KIF26B: variants seen among roughly 807,000 people sequenced by gnomAD.
KIF26B encodes kinesin family member 26B, also known as kinesin-like protein KIF26B.
In KIF26B, 63 loss-of-function variants were observed where a neutral mutation model predicts 151.2. The observed-to-expected ratio is 0.42, with a 90% CI of 0.34 to 0.51. The LOEUF is 0.51. Among genes scored for constraint, KIF26B ranks in the 20% least tolerant of loss-of-function variants. The pLI, the probability that KIF26B is intolerant of heterozygous loss-of-function variation, is 0.07. For missense variants in KIF26B, 2,813 were observed against 2,913.6 expected, an observed-to-expected ratio of 0.97 and a Z score of 0.79; for synonymous variants, 1,357 against 1,262.1, an observed-to-expected ratio of 1.08 and a Z score of -1.59.
rs547327871 is a variant in KIF26B, at chr1:245,601,173, G to A, written c.1351-1404G>A. On this transcript the variant is annotated intron_variant, in intron 5 of 14. Coordinates refer to ENST00000407071, the MANE Select transcript of KIF26B (RefSeq NM_018012.4). This position sits in a 1 kb window ranked among gnomAD's most constrained non-coding sequence, Gnocchi z 4.4. The stretch of plus-strand genomic sequence containing the variant: ...CAGAGGTAGAGTGCGTCCCACACTC[G>A]GGCTCCTTCTACTGGGACACTGGCT... 9.2e-5 allele frequency among the ~76,000 whole-genome samples: 14 copies of A among 152,258 alleles called. No homozygotes were observed. The highest frequency in any genetic ancestry group is 2.4e-4 in the African/African-American group (10 of 41,542).
chr1:245,213,858 G>A (rs989412840), intron 2 of KIF26B, among the ~76,000 whole-genome samples: 4 of 152,180 alleles, frequency 2.6e-5, no homozygotes, highest in Admixed American at 6.5e-5. Context: ...AGGTAATTAC[G>A]GGATAGTCGT....
chr1:245,675,822 G>A (rs1004571786), intron 10 of KIF26B, among the ~76,000 whole-genome samples: 2 of 152,190 alleles, frequency 1.3e-5, no homozygotes, highest in African/African-American at 4.8e-5. Context: ...AGGGGCCCAT[G>A]TGAGCAACAG....
intron 2 of KIF26B, among the ~76,000 whole-genome samples, chr1:245,215,225 G>A (rs1669620099): frequency 1.3e-5 from 2 of 152,140 alleles, no homozygotes; most frequent in Admixed American, 6.5e-5. Context: ...GCCACCATGG[G>A]AGGAAGGGTG....
chr1:245,393,378 T>C (rs1673746724), intron 3 of KIF26B, among the ~76,000 whole-genome samples: 1 of 152,236 alleles, frequency 6.6e-6, no homozygotes, highest in Admixed American at 6.5e-5. Flanking sequence ...TTCATTGATC[T>C]CTCAGAATGT....
intron 2 of KIF26B, among the ~76,000 whole-genome samples, chr1:245,233,695 G>T (rs1345226579): frequency 5.9e-5 from 9 of 152,086 alleles, no homozygotes; most frequent in Non-Finnish European, 4.4e-5. Flanking sequence ...CAAATCTCAT[G>T]TTCTCTCTGT....
chr1:245,651,114 G>A (rs1024665625), intron 10 of KIF26B, among the ~76,000 whole-genome samples: 18 of 152,284 alleles, frequency 1.2e-4, no homozygotes, highest in African/African-American at 4.1e-4. Context: ...CCACAAAAGC[G>A]ATGAGGACAC....
chr1:245,235,499 G>C (rs577123676), intron 2 of KIF26B, among the ~76,000 whole-genome samples: 1 of 145,450 alleles, frequency 6.9e-6, no homozygotes, highest in Admixed American at 6.7e-5. Context: ...AGGCAGAGGT[G>C]GGGGGATCGC....
At chr1:245,470,481 A>T (rs1659886082) in intron 4 of KIF26B, among the ~76,000 whole-genome samples, 1 of 152,120 alleles carries the variant, frequency 6.6e-6, no homozygotes, top group Non-Finnish European at 1.5e-5. Context: ...CCCAGGCTGG[A>T]GTGCAGTGGT....
chr1:245,176,183 G>C (rs1668806263), intron 2 of KIF26B, among the ~76,000 whole-genome samples: 1 of 151,942 alleles, frequency 6.6e-6, no homozygotes, highest in African/African-American at 2.4e-5. Context: ...ATTTTTAGTA[G>C]AGACGGGGTT....
intron 2 of KIF26B, among the ~76,000 whole-genome samples, chr1:245,268,637 A>G (rs7513602): frequency 0.49 from 74,234 of 151,652 alleles, 18,517 homozygotes; most frequent in East Asian, 0.59. Flanking sequence ...AAGTACAGAC[A>G]TACAAGTCAG....
Position 245,244,137 on chromosome 1 carries a change from T to C in KIF26B, c.465+87454T>C, listed in dbSNP as rs1670269071. ...AATTTTTATTTATTTATTTATTTTT[T>C]GTAGAGATTGGGTCTTGCTATGTTA... On this transcript the variant is annotated intron_variant, in intron 2 of 14. Transcript: ENST00000407071. This position sits in a 1 kb window ranked among gnomAD's most constrained non-coding sequence, Gnocchi z 4.2. Among the ~76,000 whole-genome samples, 1 of 152,054 alleles carries C rather than the reference T, an allele frequency of 6.6e-6. No individual in the cohort carries two copies. Among genetic ancestry groups the C allele is most frequent in the Non-Finnish European group, 1.5e-5 (1 of 68,032 alleles).
chr1:245,204,478 A>G (rs945659513), intron 2 of KIF26B, among the ~76,000 whole-genome samples: 4 of 151,816 alleles, frequency 2.6e-5, no homozygotes, highest in South Asian at 2.1e-4. Context: ...GGTTCAAGCA[A>G]TTCTCCTACC....
chr1:245,193,810 A>T (rs903372157), intron 2 of KIF26B, among the ~76,000 whole-genome samples: 1 of 152,214 alleles, frequency 6.6e-6, no homozygotes, highest in African/African-American at 2.4e-5. Context: ...CTTGTTCTTT[A>T]TGAAGGCAGC....
At position 245,244,763 on chromosome 1, in the gene KIF26B, C is replaced by CACACACACACAT; in HGVS notation, c.465+88091_465+88092insTACACACACACA. ...ACACACAGACACGCACACTCACACA[C>CACACACACACAT]ACACACACACACACACACACACACA... On this transcript the variant is annotated intron_variant, in intron 2 of 14. Coordinates refer to ENST00000407071, the MANE Select transcript of KIF26B (RefSeq NM_018012.4). The surrounding 1 kb of genome is among the most constrained non-coding windows in gnomAD (Gnocchi z 4.2). Among the ~76,000 whole-genome samples, 1 of 141,218 alleles carries CACACACACACAT rather than the reference C, an allele frequency of 7.1e-6. No individual in the cohort carries two copies. The highest frequency in any genetic ancestry group is 2.1e-4 in the South Asian group (1 of 4,678). 92.6% of individuals were successfully genotyped at this position (141,218 alleles called of 152,430 possible).
chr1:245,628,913 C>CA (rs1303741033), intron 9 of KIF26B, among the ~76,000 whole-genome samples: 1 of 152,178 alleles, frequency 6.6e-6, no homozygotes, highest in African/African-American at 2.4e-5. Flanking sequence ...TCTCAGGATA[C>CA]AAAATCAATG....
chr1:245,615,126 C>G (rs1324028595), intron 9 of KIF26B: 2 of 152,202 alleles, frequency 1.3e-5, no homozygotes, highest in African/African-American at 4.8e-5. Flanking sequence ...TTCACCCTGT[C>G]AATGTAAGAG....
intron 9 of KIF26B, among the ~76,000 whole-genome samples, chr1:245,623,462 T>C (rs1406965653): frequency 2.0e-5 from 3 of 152,358 alleles, no homozygotes; most frequent in Non-Finnish European, 4.4e-5. Context: ...TGCCCAGATA[T>C]ACCACAGTTG....
intron 4 of KIF26B, among the ~76,000 whole-genome samples, chr1:245,420,191 A>G (rs1488297626): frequency 6.6e-6 from 1 of 152,208 alleles, no homozygotes; most frequent in African/African-American, 2.4e-5. Context: ...AAGCTATTAA[A>G]TAGATGGCAG....
At chr1:245,284,833 G>T (rs1016228965) in intron 2 of KIF26B, among the ~76,000 whole-genome samples, 4 of 152,122 alleles carry the variant, frequency 2.6e-5, no homozygotes, top group African/African-American at 9.7e-5. Context: ...GAGGTTGGGA[G>T]TTCAAGACCA....
Sources: gnomAD v4.1 joint callset for allele counts (sites outside exome capture counted in the v4.1 genomes callset) on GRCh38, gnomAD v4.1.1 for gene constraint, Gnocchi (gnomAD v3.1) non-coding constraint, MANE v1.5 for transcripts, NCBI Gene and HGNC (gene_info 2026-07-23, HGNC 2026-07-21) for gene names.